The following SORCS2 variants were observed in gnomAD, a reference collection of about 807,000 sequenced individuals.
SORCS2 encodes sortilin related VPS10 domain containing receptor 2.
A neutral mutation model predicts 141.6 loss-of-function variants in SORCS2; 100 were observed. The ratio of observed to expected loss-of-function variants is 0.71; its 90% CI spans 0.60 to 0.83. SORCS2 has a LOEUF of 0.83. Ranked by LOEUF, SORCS2 falls within the 40% of genes least tolerant of loss-of-function variation. The pLI, the probability that SORCS2 is intolerant of heterozygous loss-of-function variation, is 0.00. For synonymous variants in SORCS2, 789 were observed against 676.9 expected, an observed-to-expected ratio of 1.17 and a Z score of -2.57; for missense variants, 1,646 against 1,560.2, an observed-to-expected ratio of 1.05 and a Z score of -0.93.
chr4:7,709,245 T>G (rs1193154839), intron 14 of SORCS2, among the ~76,000 whole-genome samples: 2 of 152,152 alleles, frequency 1.3e-5, no homozygotes, highest in African/African-American at 4.8e-5. Context: ...ACACAGAGGT[T>G]GACAGCCTTC....
At chr4:7,579,518 C>A (rs764014075) in intron 3 of SORCS2, among the ~76,000 whole-genome samples, 2 of 152,282 alleles carry the variant, frequency 1.3e-5, no homozygotes, top group Middle Eastern at 6.8e-3. Context: ...AGGACTGGAA[C>A]CCTCCCCTTG....
intron 2 of SORCS2, among the ~76,000 whole-genome samples, chr4:7,492,069 A>C (rs4635817): frequency 6.6e-6 from 1 of 151,828 alleles, no homozygotes; most frequent in South Asian, 2.1e-4. Flanking sequence ...CTCCAGTTTC[A>C]CCCCAGGCTG....
chr4:7,542,782 G>T (rs1712783666), intron 3 of SORCS2, among the ~76,000 whole-genome samples: 1 of 152,264 alleles, frequency 6.6e-6, no homozygotes, highest in Non-Finnish European at 1.5e-5. Flanking sequence ...TGCAGATGGG[G>T]AGGCCAAGGC....
chr4:7,273,099 G>C (rs1049753154), intron 1 of SORCS2, among the ~76,000 whole-genome samples: 2 of 152,206 alleles, frequency 1.3e-5, no homozygotes, highest in African/African-American at 4.8e-5. Context: ...TGCAGAGGTG[G>C]GGAAGGACTT....
At position 7,289,063 on chromosome 4, in the gene SORCS2, G is replaced by A. The variant is rs181238681; in HGVS notation, c.480+95937G>A. Among the ~76,000 whole-genome samples, 9 of 152,310 alleles carry A rather than the reference G, an allele frequency of 5.9e-5. No homozygotes were observed. The East Asian group carries it at 1.7e-3, about 29-fold the overall frequency. ...TCCCTCTCCCTTGGGCTTGGCACTA[G>A]ATTTTGGCAGAGCTAGCAATGGAAA... On this transcript the variant is annotated intron_variant, in intron 1 of 26. Transcript: ENST00000507866.
intron 3 of SORCS2, among the ~76,000 whole-genome samples, chr4:7,600,654 TATACACACACACACACAC>T (rs1577819478): frequency 1.1e-5 from 1 of 92,670 alleles, no homozygotes; most frequent in African/African-American, 5.1e-5. Flanking sequence ...TACATATATA[TATACACACACACACACAC>T]ACACACACAC....
At chr4:7,312,897 C>G (rs1342650029) in intron 1 of SORCS2, among the ~76,000 whole-genome samples, 1 of 152,236 alleles carries the variant, frequency 6.6e-6, no homozygotes. Flanking sequence ...GCAGAAGGGC[C>G]TGGTGGATCT....
chr4:7,502,229 C>G (rs1190161467), intron 2 of SORCS2, among the ~76,000 whole-genome samples: 2 of 152,150 alleles, frequency 1.3e-5, no homozygotes, highest in African/African-American at 2.4e-5. Context: ...GGAATGTGCC[C>G]CGTGAGAGCC....
intron 1 of SORCS2, among the ~76,000 whole-genome samples, chr4:7,216,673 T>C (rs1288772447): frequency 6.6e-6 from 1 of 152,174 alleles, no homozygotes; most frequent in Non-Finnish European, 1.5e-5. Context: ...CTGACCCTCC[T>C]GCCTCCCTCT....
intron 1 of SORCS2, among the ~76,000 whole-genome samples, chr4:7,390,633 G>A (rs776701200): frequency 3.3e-5 from 5 of 152,224 alleles, no homozygotes; most frequent in Non-Finnish European, 7.3e-5. Context: ...CACTGCACAA[G>A]AGCAGAGGGA....
intron 1 of SORCS2, among the ~76,000 whole-genome samples, chr4:7,244,967 G>A (rs573054078): frequency 2.0e-5 from 3 of 152,292 alleles, no homozygotes; most frequent in African/African-American, 7.2e-5. Context: ...TTGGAAGGGG[G>A]GTGGCTGGAG....
chr4:7,641,256 C>T (rs1720710311), intron 4 of SORCS2, among the ~76,000 whole-genome samples: 1 of 152,154 alleles, frequency 6.6e-6, no homozygotes, highest in Non-Finnish European at 1.5e-5. Context: ...CTCAAAGTTC[C>T]ACATGGGTGG....
intron 9 of SORCS2, among the ~76,000 whole-genome samples, chr4:7,676,826 T>C (rs1228569977): frequency 1.8e-5 from 2 of 110,594 alleles, no homozygotes; most frequent in East Asian, 5.5e-4. Context: ...TCTCTCTCTC[T>C]CTCCCTCTCT....
chr4:7,728,518 G>A, intron 22 of SORCS2, 56 bp downstream of exon 22: 1 of 1,326,938 alleles, frequency 7.5e-7, no homozygotes, highest in Non-Finnish European at 1.0e-6. Flanking sequence ...GGCATCCAGA[G>A]AAGCCCAAGG....
At chr4:7,374,471 C>T (rs988591809) in intron 1 of SORCS2, among the ~76,000 whole-genome samples, 7 of 152,130 alleles carry the variant, frequency 4.6e-5, no homozygotes, top group Non-Finnish European at 1.5e-5. Flanking sequence ...ACGCTGGCAG[C>T]ATTGGCAGCA....
chr4:7,337,813 C>T (rs2108981522), intron 1 of SORCS2, among the ~76,000 whole-genome samples: 1 of 152,332 alleles, frequency 6.6e-6, no homozygotes, highest in African/African-American at 2.4e-5. Context: ...GTGCCTTCCA[C>T]CTGCACCTTC....
intron 1 of SORCS2, among the ~76,000 whole-genome samples, chr4:7,198,683 C>T (rs1188568496): frequency 1.3e-5 from 2 of 152,150 alleles, no homozygotes; most frequent in Non-Finnish European, 2.9e-5. Flanking sequence ...GATGTGGTGA[C>T]CAGGGGTGAG....
intron 1 of SORCS2, among the ~76,000 whole-genome samples, chr4:7,331,582 T>C (rs1213019197): frequency 6.6e-6 from 1 of 151,684 alleles, no homozygotes. Context: ...CCCAGTGGGG[T>C]GTGGGAGGGA....
intron 3 of SORCS2, among the ~76,000 whole-genome samples, chr4:7,581,522 C>T (rs1716143244): frequency 6.6e-6 from 1 of 152,318 alleles, no homozygotes; most frequent in Middle Eastern, 3.4e-3. Context: ...GCTGCTATGA[C>T]ATCTGGGGTG....
Sources: gnomAD v4.1 joint callset for allele counts (sites outside exome capture counted in the v4.1 genomes callset) on GRCh38, gnomAD v4.1.1 for gene constraint, MANE v1.5 for transcripts, NCBI Gene and HGNC (gene_info 2026-07-23, HGNC 2026-07-21) for gene names.